Variants in SNX10 observed in about 807,000 individuals in gnomAD.
The protein encoded by SNX10 is sorting nexin 10.
In SNX10, 25 loss-of-function variants were observed where a neutral mutation model predicts 28.5. The observed-to-expected ratio is 0.88, with a 90% CI of 0.64 to 1.22. The LOEUF is 1.22. Ranked by LOEUF, SNX10 falls within the 50% of genes most tolerant of loss-of-function variation. The pLI is 0.00. For missense variants in SNX10, 223 were observed against 242.6 expected, an observed-to-expected ratio of 0.92 and a Z score of 0.54; for synonymous variants, 62 against 81.4, an observed-to-expected ratio of 0.76 and a Z score of 1.28.
intron 2 of SNX10, 141 bp downstream of exon 2, chr7:26,346,607 C>T: frequency 1.4e-6 from 1 of 711,630 alleles, no homozygotes; most frequent in Non-Finnish European, 2.6e-6. Context: ...TGTACCTGCT[C>T]CTCTACTCCC....
intron 2 of SNX10, 58 bp from the exon 3 acceptor site, chr7:26,360,917 C>G: frequency 4.6e-6 from 7 of 1,511,174 alleles, no homozygotes; most frequent in African/African-American, 2.8e-5. Flanking sequence ...TTGTTCAGTT[C>G]TTTCCAGTCC....
chr7:26,364,754 A>G lies in SNX10; in HGVS notation c.212+119A>G, dbSNP rs1319253697. On this transcript the variant is annotated intron_variant, in intron 4 of 6. Transcript: ENST00000338523. The surrounding 1 kb of genome is among the most constrained non-coding windows in gnomAD (Gnocchi z 4.9). Reference sequence around the variant, plus strand: ...TATAGGCTTTTGCCTTGATTACAATATGTAGCTTTAGTTTCTTAGCTACTG... The same window carrying G: ...TATAGGCTTTTGCCTTGATTACAATGTGTAGCTTTAGTTTCTTAGCTACTG... 1.4e-6 allele frequency: 1 copy of G among 720,996 alleles called. No individual in the cohort carries two copies. The highest frequency in any genetic ancestry group is 1.8e-5 in the African/African-American group (1 of 56,188). The allele number at this position is 720,996 out of a possible 1,614,324, so 44.7% of individuals were successfully genotyped here.
intron 1 of SNX10, among the ~76,000 whole-genome samples, chr7:26,335,992 A>G (rs887413030): frequency 2.0e-5 from 3 of 152,042 alleles, no homozygotes; most frequent in East Asian, 3.9e-4. Flanking sequence ...CGGCCTCCCA[A>G]AGTGCTGGGA....
intron 1 of SNX10, among the ~76,000 whole-genome samples, chr7:26,307,236 C>G (rs1786635005): frequency 6.6e-6 from 1 of 152,202 alleles, no homozygotes; most frequent in South Asian, 2.1e-4. Context: ...CCCCAAGCTG[C>G]TCTCCAGACG....
At chr7:26,355,496 G>T (rs900719942) in intron 2 of SNX10, among the ~76,000 whole-genome samples, 4 of 152,112 alleles carry the variant, frequency 2.6e-5, no homozygotes, top group Admixed American at 2.0e-4. Context: ...TAGCATCTTA[G>T]ATTTTCAGCA....
At chr7:26,366,551 A>G (rs1378715340) in intron 5 of SNX10, among the ~76,000 whole-genome samples, 1 of 152,174 alleles carries the variant, frequency 6.6e-6, no homozygotes, top group Admixed American at 6.5e-5. Context: ...CCTTTCCCCT[A>G]GAGGAGGCCT....
chr7:26,351,895 A>T lies in SNX10; in HGVS notation c.24+5429A>T, dbSNP rs555930838. Among the ~76,000 whole-genome samples the T allele has an allele frequency of 1.1e-4, 16 of 151,888 alleles. No homozygotes were observed. In the East Asian group the frequency reaches 3.1e-3, roughly 29 times the overall value. Reference sequence around the variant, plus strand: ...ATGGTCTAGATCTCCTGACCTCGTGATCCGCCCGCCTCGGCCTCCCAAAGT... The same window carrying T: ...ATGGTCTAGATCTCCTGACCTCGTGTTCCGCCCGCCTCGGCCTCCCAAAGT... On this transcript the variant is annotated intron_variant, in intron 2 of 6. Coordinates refer to ENST00000338523, the MANE Select transcript of SNX10 (RefSeq NM_013322.3).
At chr7:26,330,421 A>ATCCC (rs1214444777) in intron 1 of SNX10, among the ~76,000 whole-genome samples, 1 of 151,918 alleles carries the variant, frequency 6.6e-6, no homozygotes, top group Non-Finnish European at 1.5e-5. Flanking sequence ...GATAGAGGGG[A>ATCCC]GCACATGAGG....
intron 1 of SNX10, among the ~76,000 whole-genome samples, chr7:26,297,876 T>C (rs1271100652): frequency 6.6e-6 from 1 of 152,132 alleles, no homozygotes; most frequent in African/African-American, 2.4e-5. Context: ...TATAGATATA[T>C]ATGTAACACA....
At chr7:26,330,977 T>G (rs1178461120) in intron 1 of SNX10, among the ~76,000 whole-genome samples, 1 of 151,928 alleles carries the variant, frequency 6.6e-6, no homozygotes, top group African/African-American at 2.4e-5. Context: ...TGGCAAAACC[T>G]CATCTCTACA....
In SNX10 at chr7:26,315,954, G is replaced by T. The variant is rs572370157; in HGVS notation, c.-24+23868G>T. On this transcript the variant is annotated intron_variant, in intron 1 of 6. Coordinates refer to ENST00000338523, the MANE Select transcript of SNX10 (RefSeq NM_013322.3). ...TCCCAGCACTTTGGGAGGCTGAGGT[G>T]GGTGGATCACGAGGTCAGGAGATCG... 3.9e-3 allele frequency among the ~76,000 whole-genome samples: 599 copies of T among 151,952 alleles called. 5 individuals are homozygous for T. Among genetic ancestry groups the T allele is most frequent in the African/African-American group, 0.014 (571 of 41,438 alleles).
intron 1 of SNX10, among the ~76,000 whole-genome samples, chr7:26,314,936 T>C (rs1375755083): frequency 1.3e-5 from 2 of 152,126 alleles, no homozygotes; most frequent in Non-Finnish European, 2.9e-5. Flanking sequence ...AGGCAGAGGT[T>C]GCAGTGAACT....
chr7:26,321,575 TC>T (rs1277803622), intron 1 of SNX10, among the ~76,000 whole-genome samples: 1 of 152,182 alleles, frequency 6.6e-6, no homozygotes, highest in African/African-American at 2.4e-5. Flanking sequence ...GGCCACGTGT[TC>T]CTTTCCAGGT....
In SNX10 at chr7:26,336,701, TCAAAAAATAACAA is replaced by T. The variant is rs1464279177; in HGVS notation, c.-23-9710_-23-9698del. Among the ~76,000 whole-genome samples the T allele has an allele frequency of 7.2e-5, 11 of 152,300 alleles. No homozygotes were observed. The East Asian group carries it at 2.1e-3, about 29-fold the overall frequency. On this transcript the variant is annotated intron_variant, in intron 1 of 6. Coordinates refer to ENST00000338523, the MANE Select transcript of SNX10 (RefSeq NM_013322.3). The stretch of plus-strand genomic sequence containing the variant: ...GCCTGGGTGACAGAGCGAGACTGTC[TCAAAAAATAACAA>T]CAAAAAATCAACAATACTGTTTGAA...
At chr7:26,296,375 G>A (rs1265414203) in intron 1 of SNX10, among the ~76,000 whole-genome samples, 1 of 152,036 alleles carries the variant, frequency 6.6e-6, no homozygotes, top group Non-Finnish European at 1.5e-5. Context: ...CAAAAGCTGG[G>A]TGTGGCGGCA....
intron 1 of SNX10, among the ~76,000 whole-genome samples, chr7:26,337,038 A>C (rs1787970826): frequency 6.6e-6 from 1 of 152,182 alleles, no homozygotes; most frequent in Non-Finnish European, 1.5e-5. Flanking sequence ...TATCTTTCAG[A>C]AATATTGAAA....
chr7:26,348,510 A>C (rs1452929533), intron 2 of SNX10, among the ~76,000 whole-genome samples: 2 of 152,246 alleles, frequency 1.3e-5, no homozygotes, highest in African/African-American at 2.4e-5. Context: ...AGCTGGACGC[A>C]TGGGCAGTCA....
At chr7:26,307,538 C>T (rs531767119) in intron 1 of SNX10, among the ~76,000 whole-genome samples, 48 of 152,302 alleles carry the variant, frequency 3.2e-4, no homozygotes, top group African/African-American at 1.1e-3. Flanking sequence ...ACCTCTGCCT[C>T]CCAGGCTCAA....
At chr7:26,294,654 C>G (rs1023262984) in intron 1 of SNX10, among the ~76,000 whole-genome samples, 1 of 152,180 alleles carries the variant, frequency 6.6e-6, no homozygotes, top group Non-Finnish European at 1.5e-5. Flanking sequence ...TTTCTCTAAA[C>G]TCAGCTTACA....
Sources: allele counts gnomAD v4.1 joint callset (sites outside exome capture counted in the v4.1 genomes callset), GRCh38; gene constraint gnomAD v4.1.1; non-coding constraint Gnocchi (gnomAD v3.1); transcripts MANE v1.5; gene names NCBI Gene and HGNC (gene_info 2026-07-23, HGNC 2026-07-21).